The following CHSY3 variants were observed in gnomAD, a reference collection of about 807,000 sequenced individuals.
The protein encoded by CHSY3 is N-acetylgalactosaminyl-proteoglycan 3-beta-glucuronosyltransferase 3.
Under a neutral mutation model 67.2 loss-of-function variants are expected in CHSY3, and 35 were observed. The observed-to-expected ratio is 0.52, with a 90% CI of 0.40 to 0.69. The LOEUF (loss-of-function observed/expected upper bound fraction) is 0.69, where lower values mean the gene tolerates loss of function less well. CHSY3 is among the 30% of genes least tolerant of loss of function. CHSY3 has a pLI of 0.00. For missense variants in CHSY3, 1,069 were observed against 1,138.5 expected (o/e 0.94, Z 0.88); for synonymous variants, 474 against 434.7 (o/e 1.09, Z -1.12).
chr5:129,945,420 A>C (rs1761822320), intron 2 of CHSY3, among the ~76,000 whole-genome samples: 1 of 152,232 alleles, frequency 6.6e-6, no homozygotes, highest in Admixed American at 6.5e-5. Context: ...AATGAAATAA[A>C]TAAGGCTATG....
At chr5:130,068,699 G>A (rs1765963857) in intron 2 of CHSY3, among the ~76,000 whole-genome samples, 1 of 152,136 alleles carries the variant, frequency 6.6e-6, no homozygotes, top group Non-Finnish European at 1.5e-5. Flanking sequence ...GTATGAGTCT[G>A]TAAAGACATT....
chr5:130,133,016 A>C (rs1301534137), intron 2 of CHSY3, among the ~76,000 whole-genome samples: 1 of 152,206 alleles, frequency 6.6e-6, no homozygotes, highest in African/African-American at 2.4e-5. Flanking sequence ...GAAAGTATTT[A>C]TTTATTATAC....
chr5:129,977,359 T>C (rs1762843575), intron 2 of CHSY3, among the ~76,000 whole-genome samples: 2 of 152,214 alleles, frequency 1.3e-5, no homozygotes, highest in Admixed American at 1.3e-4. Context: ...CAATGCTTTA[T>C]TTGGGAACAG....
chr5:129,918,285 T>C (rs1204815937), intron 2 of CHSY3, among the ~76,000 whole-genome samples: 1 of 152,254 alleles, frequency 6.6e-6, no homozygotes, highest in Non-Finnish European at 1.5e-5. Flanking sequence ...TTATTTATTA[T>C]ATCTCAGTAA....
intron 2 of CHSY3, among the ~76,000 whole-genome samples, chr5:130,161,440 A>G (rs1409827991): frequency 6.6e-6 from 1 of 152,184 alleles, no homozygotes; most frequent in Non-Finnish European, 1.5e-5. Flanking sequence ...CAAACACCAT[A>G]AGTTTTATGA....
chr5:129,924,873 A>T (rs980815907), intron 2 of CHSY3, among the ~76,000 whole-genome samples: 2 of 152,168 alleles, frequency 1.3e-5, no homozygotes, highest in African/African-American at 2.4e-5. Context: ...TACTAAAAAA[A>T]TTTTTAAAAG....
chr5:129,989,518 C>A (rs1357295039), intron 2 of CHSY3, among the ~76,000 whole-genome samples: 1 of 152,096 alleles, frequency 6.6e-6, no homozygotes, highest in African/African-American at 2.4e-5. Context: ...CTCACCCAGG[C>A]CTTAACACCT....
chr5:130,071,624 G>C (rs1766073022), intron 2 of CHSY3, among the ~76,000 whole-genome samples: 1 of 151,450 alleles, frequency 6.6e-6, no homozygotes, highest in South Asian at 2.1e-4. Context: ...TTGATGGACA[G>C]TTAGATTTCT....
intron 2 of CHSY3, among the ~76,000 whole-genome samples, chr5:130,179,899 CAT>C (rs1352270021): frequency 1.3e-5 from 2 of 152,108 alleles, no homozygotes; most frequent in Non-Finnish European, 2.9e-5. Flanking sequence ...AAAGAAAAGA[CAT>C]AGATTTTCTC....
intron 2 of CHSY3, among the ~76,000 whole-genome samples, chr5:130,089,552 A>G (rs1766803569): frequency 6.6e-6 from 1 of 152,094 alleles, no homozygotes; most frequent in Non-Finnish European, 1.5e-5. Flanking sequence ...ATTGACTTAA[A>G]TTTTCAGCAT....
chr5:130,173,114 T>A (rs1769939722), intron 2 of CHSY3, among the ~76,000 whole-genome samples: 1 of 152,050 alleles, frequency 6.6e-6, no homozygotes, highest in African/African-American at 2.4e-5. Flanking sequence ...CAAATTCAAA[T>A]GTATTCAAAA....
chr5:129,924,046 A>G (rs151188556), intron 2 of CHSY3, among the ~76,000 whole-genome samples: 244 of 152,336 alleles, frequency 1.6e-3, no homozygotes, highest in African/African-American at 5.4e-3. Flanking sequence ...GATTTGATTT[A>G]TTAAACTTAG....
At chr5:130,061,072 A>G (rs1029457015) in intron 2 of CHSY3, among the ~76,000 whole-genome samples, 1 of 152,152 alleles carries the variant, frequency 6.6e-6, no homozygotes, top group African/African-American at 2.4e-5. Flanking sequence ...CCTAAAGTTC[A>G]TATGGAACCA....
intron 2 of CHSY3, among the ~76,000 whole-genome samples, chr5:130,063,928 G>A (rs1183378393): frequency 6.6e-6 from 1 of 152,070 alleles, no homozygotes; most frequent in Non-Finnish European, 1.5e-5. Flanking sequence ...GCAACATCTG[G>A]ATTTTGGAAG....
chr5:129,909,822 A>G (rs1738043894), intron 2 of CHSY3, among the ~76,000 whole-genome samples: 1 of 152,042 alleles, frequency 6.6e-6, no homozygotes, highest in South Asian at 2.1e-4. Context: ...TTGCATGGAT[A>G]AGTAAAAAAA....
intron 2 of CHSY3, among the ~76,000 whole-genome samples, chr5:129,917,227 A>ATATC (rs2149580149): frequency 6.6e-6 from 1 of 152,280 alleles, no homozygotes; most frequent in Non-Finnish European, 1.5e-5. Flanking sequence ...TCTGTCTACA[A>ATATC]TGGGTCAGCC....
At chr5:130,178,244 TATATATATA>T (rs1300764157) in intron 2 of CHSY3, among the ~76,000 whole-genome samples, 3 of 75,264 alleles carry the variant, frequency 4.0e-5, no homozygotes, top group African/African-American at 5.7e-5. Flanking sequence ...TATATATATA[TATATATATA>T]TTTTTTTTTT....
At chr5:129,925,541 C>T (rs186268663) in intron 2 of CHSY3, among the ~76,000 whole-genome samples, 3 of 151,990 alleles carry the variant, frequency 2.0e-5, no homozygotes, top group Non-Finnish European at 4.4e-5. Flanking sequence ...AATTAGCATG[C>T]GTTACCTTGC....
Position 130,135,183 on chromosome 5 carries a change from TATAC to T in CHSY3, c.1087-49030_1087-49027del, listed in dbSNP as rs774800952. The stretch of plus-strand genomic sequence containing the variant: ...TGAAGGTATATTAAATATATGTGTG[TATAC>T]ATACATACATACATATATGTATACA... On this transcript the variant is annotated intron_variant, in intron 2 of 2. Coordinates refer to ENST00000305031, the MANE Select transcript of CHSY3 (RefSeq NM_175856.5). Among the ~76,000 whole-genome samples, 5 of 151,814 alleles carry T rather than the reference TATAC, an allele frequency of 3.3e-5. No homozygotes were observed. The South Asian group carries it at 6.2e-4, about 19-fold the overall frequency.
Sources: gnomAD v4.1 joint callset for allele counts (sites outside exome capture counted in the v4.1 genomes callset) on GRCh38, gnomAD v4.1.1 for gene constraint, MANE v1.5 for transcripts, NCBI Gene and HGNC (gene_info 2026-07-23, HGNC 2026-07-21) for gene names.